Variants in GPR158 observed in about 807,000 individuals in gnomAD.
GPR158 encodes the protein metabotropic glycine receptor.
A neutral mutation model predicts 78.2 loss-of-function variants in GPR158; 30 were observed. That is an observed-to-expected ratio of 0.38 (90% CI 0.29 to 0.52). The LOEUF (loss-of-function observed/expected upper bound fraction) is 0.52, where lower values mean the gene tolerates loss of function less well. GPR158 is among the 20% of genes least tolerant of loss of function. The pLI, the probability that GPR158 is intolerant of heterozygous loss-of-function variation, is 0.83. For synonymous variants in GPR158, 581 were observed against 591.1 expected (o/e 0.98, Z 0.25); for missense variants, 1,463 against 1,523.5 (o/e 0.96, Z 0.66).
chr10:25,427,707 T>C (rs1257871773), intron 4 of GPR158, among the ~76,000 whole-genome samples: 1 of 152,136 alleles, frequency 6.6e-6, no homozygotes, highest in Non-Finnish European at 1.5e-5. Context: ...CAGAAAATCT[T>C]ATACTTGATA....
At chr10:25,575,583 C>G (rs1241663245) in intron 7 of GPR158, among the ~76,000 whole-genome samples, 1 of 152,084 alleles carries the variant, frequency 6.6e-6, no homozygotes, top group Non-Finnish European at 1.5e-5. Flanking sequence ...TCATATTACT[C>G]TAAAGTACAG....
intron 1 of GPR158, among the ~76,000 whole-genome samples, chr10:25,191,572 G>A (rs1422371301): frequency 6.6e-6 from 1 of 152,148 alleles, no homozygotes; most frequent in Admixed American, 6.5e-5. Context: ...CTTGAGAGAA[G>A]TAAACAGTAT....
At chr10:25,348,396 GAC>G (rs34088676) in intron 2 of GPR158, among the ~76,000 whole-genome samples, 13,535 of 141,566 alleles carry the variant, frequency 0.096, 908 homozygotes, top group African/African-American at 0.2. Flanking sequence ...TAGGAAGAAA[GAC>G]ACACACACAC....
chr10:25,440,520 A>T (rs1277120937), intron 4 of GPR158, among the ~76,000 whole-genome samples: 1 of 152,242 alleles, frequency 6.6e-6, no homozygotes, highest in East Asian at 1.9e-4. Flanking sequence ...TACTTGTTGC[A>T]TTTGGAAAAA....
At chr10:25,421,984 TTTC>T (rs1834758271) in intron 4 of GPR158, among the ~76,000 whole-genome samples, 1 of 152,222 alleles carries the variant, frequency 6.6e-6, no homozygotes, top group South Asian at 2.1e-4. Flanking sequence ...CTAACTGTAA[TTTC>T]TTGCTTTTGA....
At chr10:25,221,224 T>C (rs1164230025) in intron 2 of GPR158, 67 bp downstream of exon 2, 5 of 815,990 alleles carry the variant, frequency 6.1e-6, no homozygotes, top group Non-Finnish European at 1.0e-5. Flanking sequence ...GTTATATTTG[T>C]GTGGGTAAAT....
chr10:25,553,270 T>A (rs1413037928), intron 6 of GPR158, among the ~76,000 whole-genome samples: 7 of 152,174 alleles, frequency 4.6e-5, no homozygotes, highest in African/African-American at 1.7e-4. Flanking sequence ...AACTGTGTTA[T>A]AACATTATCT....
chr10:25,389,910 T>G (rs1336317308), intron 2 of GPR158, among the ~76,000 whole-genome samples: 2 of 152,084 alleles, frequency 1.3e-5, no homozygotes, highest in African/African-American at 4.8e-5. Context: ...ATAATCCCCA[T>G]GTGTTGTTGG....
chr10:25,582,327 C>A, intron 7 of GPR158, among the ~76,000 whole-genome samples: 1 of 152,146 alleles, frequency 6.6e-6, no homozygotes. Flanking sequence ...TATCCATAAG[C>A]TCTGAGGTAG....
chr10:25,364,052 C>T (rs1456229890), intron 2 of GPR158, among the ~76,000 whole-genome samples: 1 of 151,680 alleles, frequency 6.6e-6, no homozygotes, highest in African/African-American at 2.4e-5. Context: ...ATAATAAGCA[C>T]CATATATGTA....
chr10:25,397,869 A>G (rs1309525802), intron 3 of GPR158, among the ~76,000 whole-genome samples: 4 of 152,116 alleles, frequency 2.6e-5, no homozygotes, highest in Admixed American at 1.3e-4. Context: ...CACTTTTGTG[A>G]TTATATTATT....
At chr10:25,338,401 T>C (rs1564426121) in intron 2 of GPR158, among the ~76,000 whole-genome samples, 2 of 134,948 alleles carry the variant, frequency 1.5e-5, no homozygotes, top group South Asian at 4.4e-4. Context: ...ATATATATTA[T>C]TATATATAAC....
intron 2 of GPR158, among the ~76,000 whole-genome samples, chr10:25,231,000 A>G (rs1163335928): frequency 1.3e-5 from 2 of 152,218 alleles, no homozygotes; most frequent in African/African-American, 4.8e-5. Context: ...TATACTCTAA[A>G]GGGAACCACT....
rs568418996 is a variant in GPR158, at chr10:25,387,395, A to G, written c.1009-8516A>G. Among the ~76,000 whole-genome samples, 10 of 152,296 alleles carry G rather than the reference A, an allele frequency of 6.6e-5. No homozygotes were observed. In the East Asian group the frequency reaches 1.9e-3, roughly 29 times the overall value. ...GGTGAATTTGGTTTGAGATTTTTGC[A>G]TCAATATTCATCAGGAATACTTGTC... On this transcript the variant is annotated intron_variant, in intron 2 of 10. Transcript: ENST00000376351.
At chr10:25,571,696 T>A (rs1837011243) in intron 6 of GPR158, among the ~76,000 whole-genome samples, 1 of 152,174 alleles carries the variant, frequency 6.6e-6, no homozygotes, top group African/African-American at 2.4e-5. Flanking sequence ...AATTGAAGAA[T>A]GGGTAGAGAA....
intron 1 of GPR158, among the ~76,000 whole-genome samples, chr10:25,192,690 C>T (rs185351375): frequency 4.0e-5 from 6 of 151,608 alleles, no homozygotes; most frequent in South Asian, 2.1e-4. Flanking sequence ...GTATTGTCTC[C>T]GATTTATGAT....
At chr10:25,320,914 C>T (rs1427343543) in intron 2 of GPR158, among the ~76,000 whole-genome samples, 2 of 152,128 alleles carry the variant, frequency 1.3e-5, no homozygotes, top group Non-Finnish European at 2.9e-5. Flanking sequence ...GTATCTAACT[C>T]AGGAGAAAAT....
intron 5 of GPR158, among the ~76,000 whole-genome samples, chr10:25,516,692 G>A (rs1444681632): frequency 3.1e-3 from 336 of 108,966 alleles, no homozygotes; most frequent in Non-Finnish European, 3.9e-3. Context: ...GGTATGCGGC[G>A]TTATTTCTGA....
At chr10:25,346,489 C>T (rs187084097) in intron 2 of GPR158, among the ~76,000 whole-genome samples, 1 of 151,964 alleles carries the variant, frequency 6.6e-6, no homozygotes, top group Admixed American at 6.6e-5. Context: ...TGGAAGCAAG[C>T]AGAGAAGACA....
Sources: gnomAD v4.1 joint callset for allele counts (sites outside exome capture counted in the v4.1 genomes callset) on GRCh38, gnomAD v4.1.1 for gene constraint, MANE v1.5 for transcripts, NCBI Gene and HGNC (gene_info 2026-07-23, HGNC 2026-07-21) for gene names.